The following HBS1L variants were observed in gnomAD, a reference collection of about 807,000 sequenced individuals.
The protein encoded by HBS1L is HBS1 like translational GTPase.
HBS1L carries 55 observed loss-of-function variants against 88.9 expected under a neutral mutation model. The ratio of observed to expected loss-of-function variants is 0.62; its 90% CI spans 0.50 to 0.77. HBS1L has a LOEUF of 0.77. Ranked by LOEUF, HBS1L falls within the 30% of genes least tolerant of loss-of-function variation. The pLI, the probability that HBS1L is intolerant of heterozygous loss-of-function variation, is 0.00. For synonymous variants in HBS1L, 267 were observed against 288.5 expected (o/e 0.93, Z 0.76); for missense variants, 741 against 829.3 (o/e 0.89, Z 1.31).
rs112663457 is a variant in HBS1L, at chr6:135,043,681, T to G, written c.110-1555A>C. On this transcript the variant is annotated intron_variant, in intron 2 of 17. Transcript: ENST00000367837. ...AAGCACAGAAGTAACCAATGAAGAC[T>G]GGAGCATTATAATAAAGGAGGTAGG... 5.9e-3 allele frequency among the ~76,000 whole-genome samples: 898 copies of G among 152,212 alleles called. 9 individuals carry two copies. Among genetic ancestry groups the G allele is most frequent in the African/African-American group, 0.017 (721 of 41,550 alleles).
At chr6:135,032,419 T>C (rs1032580536) in intron 4 of HBS1L, among the ~76,000 whole-genome samples, 1 of 152,152 alleles carries the variant, frequency 6.6e-6, no homozygotes, top group African/African-American at 2.4e-5. Flanking sequence ...ATTATAAATA[T>C]ATAGGTAAAG....
chr6:135,009,673 G>A (rs1251454178), intron 4 of HBS1L, among the ~76,000 whole-genome samples: 2 of 151,738 alleles, frequency 1.3e-5, no homozygotes, highest in East Asian at 3.9e-4. Context: ...TCGCTCTGTT[G>A]CCCAGGCTGG....
intron 4 of HBS1L, among the ~76,000 whole-genome samples, chr6:135,020,666 G>A: frequency 6.6e-6 from 1 of 152,060 alleles, no homozygotes; most frequent in Non-Finnish European, 1.5e-5. Flanking sequence ...CTGAAGAAGT[G>A]TGCTAAAAGT....
chr6:135,025,805 A>G (rs1042099338), intron 4 of HBS1L, among the ~76,000 whole-genome samples: 1 of 152,214 alleles, frequency 6.6e-6, no homozygotes, highest in African/African-American at 2.4e-5. Context: ...AATATAGCAA[A>G]GAAAATACAG....
chr6:134,978,586 T>C (rs1288341349), intron 15 of HBS1L, 93 bp downstream of exon 15: 15 of 621,206 alleles, frequency 2.4e-5, no homozygotes, highest in Non-Finnish European at 3.7e-5. Context: ...AAAATAAATA[T>C]AGTATCACCA....
intron 8 of HBS1L, 83 bp from the exon 9 acceptor site, chr6:134,987,874 G>A (rs1229620212): frequency 2.4e-6 from 3 of 1,233,544 alleles, no homozygotes; most frequent in Non-Finnish European, 3.2e-6. Context: ...AATTATGTTA[G>A]TCACATTTTT....
chr6:134,979,301 A>C (rs1774748082), intron 13 of HBS1L, 33 bp from the exon 14 acceptor site: 1 of 1,471,508 alleles, frequency 6.8e-7, no homozygotes, highest in Admixed American at 1.7e-5. Context: ...GCATACAGTG[A>C]AACACCTCGA....
At chr6:135,010,866 A>C (rs1167515145) in intron 4 of HBS1L, among the ~76,000 whole-genome samples, 1 of 152,234 alleles carries the variant, frequency 6.6e-6, no homozygotes, top group Non-Finnish European at 1.5e-5. Context: ...TCAATGAATT[A>C]GAATAGGGCA....
chr6:134,972,227 G>A (rs4895434), intron 15 of HBS1L, among the ~76,000 whole-genome samples: 93,063 of 151,966 alleles, frequency 0.61, 30,496 homozygotes, highest in African/African-American at 0.87. Flanking sequence ...AATGGGCTAC[G>A]TAGTCTGTTA....
At chr6:134,982,736 T>C in intron 12 of HBS1L, 174 bp from the exon 13 acceptor site, 1 of 363,086 alleles carries the variant, frequency 2.8e-6, no homozygotes, top group Non-Finnish European at 4.9e-6. Flanking sequence ...ACACTTTACT[T>C]TTTTTTTTTG....
At chr6:135,005,793 G>A (rs929197201) in intron 4 of HBS1L, among the ~76,000 whole-genome samples, 3 of 152,156 alleles carry the variant, frequency 2.0e-5, no homozygotes, top group Non-Finnish European at 4.4e-5. Context: ...GCAATAGAAG[G>A]CAGCTTTGCA....
intron 1 of HBS1L, among the ~76,000 whole-genome samples, chr6:135,053,230 C>G (rs7741515): frequency 0.47 from 70,858 of 151,932 alleles, 16,862 homozygotes; most frequent in South Asian, 0.56. Flanking sequence ...ATTAAGTGTT[C>G]TCATCTGTGT....
chr6:134,979,372 C>A (rs748588809), intron 13 of HBS1L, 104 bp from the exon 14 acceptor site: 1 of 754,674 alleles, frequency 1.3e-6, no homozygotes, highest in Admixed American at 2.0e-5. Flanking sequence ...CACTACTCAT[C>A]ATTTTCAATA....
At chr6:134,970,816 A>C (rs1461484256) in intron 15 of HBS1L, among the ~76,000 whole-genome samples, 1 of 152,198 alleles carries the variant, frequency 6.6e-6, no homozygotes, top group Non-Finnish European at 1.5e-5. Context: ...ACCAGAACAA[A>C]GTTAGACTGA....
intron 4 of HBS1L, chr6:135,036,520 A>T (rs1776553658): frequency 8.5e-6 from 12 of 1,410,666 alleles, no homozygotes; most frequent in Non-Finnish European, 1.1e-5. Flanking sequence ...ATTAAAAATA[A>T]AAAGCTCTAC....
intron 2 of HBS1L, among the ~76,000 whole-genome samples, chr6:135,050,299 A>G (rs1777041707): frequency 6.6e-6 from 1 of 152,236 alleles, no homozygotes; most frequent in African/African-American, 2.4e-5. Flanking sequence ...ATTATTGACT[A>G]AATTACCATT....
intron 7 of HBS1L, among the ~76,000 whole-genome samples, chr6:134,996,181 A>G (rs1454160277): frequency 6.6e-6 from 1 of 152,108 alleles, no homozygotes; most frequent in Non-Finnish European, 1.5e-5. Context: ...CTATACTGAC[A>G]CTCTAAAAGG....
At chr6:135,031,291 T>C (rs1379343586) in intron 4 of HBS1L, among the ~76,000 whole-genome samples, 2 of 152,076 alleles carry the variant, frequency 1.3e-5, no homozygotes, top group African/African-American at 4.8e-5. Context: ...GATGAAAATG[T>C]TATGAGAGGC....
chr6:135,035,806 GAAGCTA>G (rs1408586448), intron 4 of HBS1L: 1 of 233,612 alleles, frequency 4.3e-6, no homozygotes, highest in African/African-American at 2.8e-5. Flanking sequence ...AGCAGCAGCA[GAAGCTA>G]AAGAGATCTG....
Sources: gnomAD v4.1 joint callset for allele counts (sites outside exome capture counted in the v4.1 genomes callset) on GRCh38, gnomAD v4.1.1 for gene constraint, MANE v1.5 for transcripts, NCBI Gene and HGNC (gene_info 2026-07-23, HGNC 2026-07-21) for gene names.